Variants in PPP2R2B observed in about 807,000 individuals in gnomAD.
PPP2R2B encodes protein phosphatase 2 regulatory subunit Bbeta, also known as serine/threonine-protein phosphatase 2A 55 kDa regulatory subunit B beta isoform.
In PPP2R2B, 5 loss-of-function variants were observed where a neutral mutation model predicts 46.0. That is an observed-to-expected ratio of 0.11 (90% CI 0.06 to 0.23). PPP2R2B has a LOEUF of 0.23. Ranked by LOEUF, PPP2R2B falls within the 10% of genes least tolerant of loss-of-function variation. PPP2R2B has a pLI of 1.00. For synonymous variants in PPP2R2B, 215 were observed against 206.7 expected (o/e 1.04, Z -0.34); for missense variants, 367 against 575.0 (o/e 0.64, Z 3.70).
chr5:146,942,660 C>T (rs1561532854), intron 1 of PPP2R2B, among the ~76,000 whole-genome samples: 1 of 152,022 alleles, frequency 6.6e-6, no homozygotes, highest in Non-Finnish European at 1.5e-5. Context: ...CCTGTTTCTC[C>T]CATCTTCTTT....
chr5:147,051,753 C>CCTTT (rs1756831222), intron 1 of PPP2R2B, among the ~76,000 whole-genome samples: 1 of 92,366 alleles, frequency 1.1e-5, no homozygotes, highest in Non-Finnish European at 2.0e-5. Context: ...GTTTTGCTTC[C>CCTTT]TTTTTTTTTT....
intron 2 of PPP2R2B, among the ~76,000 whole-genome samples, chr5:146,705,717 G>T (rs1165016981): frequency 6.6e-6 from 1 of 152,082 alleles, no homozygotes; most frequent in Non-Finnish European, 1.5e-5. Flanking sequence ...TAGTGCATTT[G>T]AGCATATTTT....
chr5:146,796,858 C>T (rs1385890469), intron 2 of PPP2R2B, among the ~76,000 whole-genome samples: 1 of 152,130 alleles, frequency 6.6e-6, no homozygotes, highest in Non-Finnish European at 1.5e-5. Flanking sequence ...GTGATTATTG[C>T]TACTAATTAA....
intron 2 of PPP2R2B, among the ~76,000 whole-genome samples, chr5:146,811,273 C>G (rs377418958): frequency 6.6e-6 from 1 of 152,176 alleles, no homozygotes. Flanking sequence ...GCTGGGATTA[C>G]AGGCGTGAGC....
chr5:146,622,589 C>T (rs546010394), intron 7 of PPP2R2B, among the ~76,000 whole-genome samples: 2 of 152,318 alleles, frequency 1.3e-5, no homozygotes, highest in Admixed American at 6.5e-5. Context: ...CTGAAAGCCA[C>T]CTAGTGGCTG....
chr5:146,752,296 T>C (rs1374421118), intron 2 of PPP2R2B, among the ~76,000 whole-genome samples: 1 of 152,080 alleles, frequency 6.6e-6, no homozygotes, highest in Non-Finnish European at 1.5e-5. Flanking sequence ...GATACATTTA[T>C]TGAGATGAAA....
chr5:146,805,702 T>C (rs889155751), intron 2 of PPP2R2B, among the ~76,000 whole-genome samples: 10 of 152,144 alleles, frequency 6.6e-5, no homozygotes, highest in African/African-American at 1.4e-4. Context: ...TTAAAAGTGG[T>C]ATTTTACGTA....
rs1387517761 is a variant in PPP2R2B, at chr5:146,884,669, ATCT to A, written c.79+170993_79+170995del. Among the ~76,000 whole-genome samples the A allele has an allele frequency of 2.0e-5, 3 of 152,336 alleles. 1 individual carries two copies. The East Asian group carries it at 5.8e-4, about 29-fold the overall frequency. ...TAGATCTGAGAGCATGAGATAAAACATCTTCTTGTACCTCTTACCATTCATTGG... is the reference window on the plus strand; with the variant it reads ...TAGATCTGAGAGCATGAGATAAAACATCTTGTACCTCTTACCATTCATTGG... On this transcript the variant is annotated intron_variant, in intron 1 of 8. Coordinates refer to the PPP2R2B transcript ENST00000336640.
intron 2 of PPP2R2B, among the ~76,000 whole-genome samples, chr5:146,824,483 T>C (rs1758451984): frequency 6.6e-6 from 1 of 152,166 alleles, no homozygotes; most frequent in Admixed American, 6.5e-5. Flanking sequence ...TTAGCATCTA[T>C]TGCTTTTCAT....
intron 7 of PPP2R2B, among the ~76,000 whole-genome samples, chr5:146,629,241 A>G (rs1191491350): frequency 6.6e-6 from 1 of 152,224 alleles, no homozygotes; most frequent in African/African-American, 2.4e-5. Flanking sequence ...CCAAAAGAGA[A>G]TGCTTGGTCT....
chr5:146,953,869 A>G (rs1363285054), intron 1 of PPP2R2B, among the ~76,000 whole-genome samples: 3 of 152,216 alleles, frequency 2.0e-5, no homozygotes, highest in Admixed American at 2.0e-4. Context: ...TGGATATTTT[A>G]ATAAGACATT....
intron 2 of PPP2R2B, among the ~76,000 whole-genome samples, chr5:146,870,803 C>T (rs1406246437): frequency 6.6e-6 from 1 of 152,184 alleles, no homozygotes; most frequent in Non-Finnish European, 1.5e-5. Flanking sequence ...CTTCATTTAA[C>T]ATTTGTTGTA....
chr5:146,807,107 C>A (rs1188989018), intron 2 of PPP2R2B, among the ~76,000 whole-genome samples: 1 of 152,208 alleles, frequency 6.6e-6, no homozygotes, highest in Non-Finnish European at 1.5e-5. Context: ...TCCACCCAGA[C>A]CAACTGAATC....
chr5:146,776,158 T>C (rs1755168736), intron 2 of PPP2R2B, among the ~76,000 whole-genome samples: 1 of 152,118 alleles, frequency 6.6e-6, no homozygotes, highest in Non-Finnish European at 1.5e-5. Context: ...AAAATTCATA[T>C]GGAATTTCAG....
At chr5:146,834,251 G>T (rs529891178) in intron 2 of PPP2R2B, among the ~76,000 whole-genome samples, 3 of 152,256 alleles carry the variant, frequency 2.0e-5, no homozygotes, top group Admixed American at 2.0e-4. Flanking sequence ...GTCCATGGAG[G>T]TAAGTACCAT....
At chr5:147,004,305 A>G (rs1340338239) in intron 1 of PPP2R2B, among the ~76,000 whole-genome samples, 3 of 152,156 alleles carry the variant, frequency 2.0e-5, no homozygotes, top group African/African-American at 7.2e-5. Flanking sequence ...TCTCTGGGCC[A>G]GAAGCCCCCA....
intron 1 of PPP2R2B, among the ~76,000 whole-genome samples, chr5:147,051,872 C>T (rs995166228): frequency 1.4e-5 from 2 of 145,562 alleles, no homozygotes; most frequent in African/African-American, 2.6e-5. Flanking sequence ...AAGCAATTCT[C>T]CTGCCTCAGC....
chr5:146,671,733 T>C (rs551874131), intron 5 of PPP2R2B, among the ~76,000 whole-genome samples: 1 of 152,354 alleles, frequency 6.6e-6, no homozygotes, highest in East Asian at 1.9e-4. Context: ...CTACATCCTC[T>C]GTTTTACCTG....
At chr5:146,806,462 C>T (rs1446659217) in intron 2 of PPP2R2B, among the ~76,000 whole-genome samples, 4 of 152,040 alleles carry the variant, frequency 2.6e-5, no homozygotes, top group Non-Finnish European at 5.9e-5. Flanking sequence ...TAGAATCTTG[C>T]TTGTAATATA....
Sources: gnomAD v4.1 joint callset for allele counts (sites outside exome capture counted in the v4.1 genomes callset) on GRCh38, gnomAD v4.1.1 for gene constraint, MANE v1.5 for transcripts, NCBI Gene and HGNC (gene_info 2026-07-23, HGNC 2026-07-21) for gene names.